Variants in DLG2 observed in about 807,000 individuals in gnomAD.
DLG2 encodes discs large MAGUK scaffold protein 2, also known as disks large homolog 2.
A neutral mutation model predicts 132.5 loss-of-function variants in DLG2; 45 were observed. That is an observed-to-expected ratio of 0.34 (90% CI 0.27 to 0.44). The LOEUF is 0.44. Among genes scored for constraint, DLG2 ranks in the 20% least tolerant of loss-of-function variants. The probability of loss-of-function intolerance (pLI) is 1.00; values close to 1 mark genes in which losing one functional copy is unlikely to be tolerated. For synonymous variants in DLG2, 424 were observed against 419.6 expected (o/e 1.01, Z -0.13); for missense variants, 1,045 against 1,196.9 (o/e 0.87, Z 1.87).
intron 18 of DLG2, among the ~76,000 whole-genome samples, chr11:83,749,445 A>G (rs1359033054): frequency 1.3e-5 from 2 of 152,134 alleles, no homozygotes; most frequent in Non-Finnish European, 2.9e-5. Flanking sequence ...CTAGGAATAA[A>G]GGGAGTTTTT....
intron 3 of DLG2, among the ~76,000 whole-genome samples, chr11:85,401,848 A>G (rs1209927795): frequency 6.6e-6 from 1 of 152,228 alleles, no homozygotes; most frequent in East Asian, 1.9e-4. Flanking sequence ...AGAGGACACA[A>G]AAAAATGGAA....
At chr11:84,181,133 T>C (rs1160725803) in intron 8 of DLG2, among the ~76,000 whole-genome samples, 1 of 151,994 alleles carries the variant, frequency 6.6e-6, no homozygotes, top group Admixed American at 6.6e-5. Flanking sequence ...TGATCACTTA[T>C]ATATAATCAT....
Position 84,424,085 on chromosome 11 carries a change from T to C in DLG2, c.519+110485A>G, listed in dbSNP as rs1490290071. Among the ~76,000 whole-genome samples the C allele has an allele frequency of 2.6e-5, 4 of 152,240 alleles. No homozygotes were observed. The East Asian group carries it at 7.7e-4, about 29-fold the overall frequency. On this transcript the variant is annotated intron_variant, in intron 7 of 27. Coordinates refer to ENST00000376104, the MANE Select transcript of DLG2 (RefSeq NM_001142699.3). ...CCCTACCTCCACAGATGATGCTCTCTTGGGTAGATATCAAAGCAGACACTC... is the reference window on the plus strand; with the variant it reads ...CCCTACCTCCACAGATGATGCTCTCCTGGGTAGATATCAAAGCAGACACTC...
chr11:85,208,436 G>A (rs116880492), intron 4 of DLG2, among the ~76,000 whole-genome samples: 3,037 of 151,042 alleles, frequency 0.02, 58 homozygotes, highest in Admixed American at 0.038. Flanking sequence ...GATAGCTAAG[G>A]CATGCAGAAA....
intron 7 of DLG2, among the ~76,000 whole-genome samples, chr11:84,359,133 A>G (rs1455734994): frequency 6.6e-6 from 1 of 151,906 alleles, no homozygotes. Context: ...CAATACAATA[A>G]TATGCTTCCC....
chr11:83,466,056 GA>G (rs2090976884), intron 26 of DLG2, among the ~76,000 whole-genome samples: 2 of 152,030 alleles, frequency 1.3e-5, no homozygotes, highest in African/African-American at 4.8e-5. Flanking sequence ...GAAAAAAAAA[GA>G]AAAAACCCTG....
chr11:84,460,232 A>G (rs2099076724), intron 7 of DLG2, among the ~76,000 whole-genome samples: 1 of 150,698 alleles, frequency 6.6e-6, no homozygotes, highest in South Asian at 2.1e-4. Flanking sequence ...ATGATTCATC[A>G]ATTGACTATT....
At chr11:85,028,592 G>A (rs573513026) in intron 6 of DLG2, among the ~76,000 whole-genome samples, 14 of 152,144 alleles carry the variant, frequency 9.2e-5, no homozygotes, top group Non-Finnish European at 1.9e-4. Flanking sequence ...CAGAGGGCTG[G>A]CCTGTCAGCC....
At chr11:83,939,277 T>G (rs556014843) in intron 14 of DLG2, among the ~76,000 whole-genome samples, 1 of 152,316 alleles carries the variant, frequency 6.6e-6, no homozygotes, top group African/African-American at 2.4e-5. Context: ...CTGGTCCTTA[T>G]GAGTTTGGTT....
intron 3 of DLG2, among the ~76,000 whole-genome samples, chr11:85,434,983 C>T (rs547383424): frequency 5.3e-5 from 8 of 152,242 alleles, no homozygotes; most frequent in Admixed American, 1.3e-4. Context: ...ACAATCAAGT[C>T]GGCTTCATCC....
intron 14 of DLG2, among the ~76,000 whole-genome samples, chr11:83,937,092 T>C (rs1290507122): frequency 6.6e-6 from 1 of 152,092 alleles, no homozygotes; most frequent in Non-Finnish European, 1.5e-5. Context: ...ATTGAACTCA[T>C]AGGATAAATA....
intron 3 of DLG2, among the ~76,000 whole-genome samples, chr11:85,463,867 A>G (rs1351014271): frequency 1.3e-5 from 2 of 152,110 alleles, no homozygotes; most frequent in African/African-American, 2.4e-5. Flanking sequence ...GAGAGCATTT[A>G]GAATTATATC....
intron 3 of DLG2, among the ~76,000 whole-genome samples, chr11:85,428,718 C>A (rs1022732758): frequency 6.6e-6 from 1 of 152,120 alleles, no homozygotes; most frequent in Non-Finnish European, 1.5e-5. Flanking sequence ...ATTAAAAGAA[C>A]TAGAGAAGCA....
intron 15 of DLG2, among the ~76,000 whole-genome samples, chr11:83,911,469 T>C (rs2076034214): frequency 6.6e-6 from 1 of 152,128 alleles, no homozygotes. Context: ...TAAGGTTTTT[T>C]TTTCTTTCAT....
chr11:83,827,851 C>T (rs984512903), intron 17 of DLG2, among the ~76,000 whole-genome samples: 1 of 152,070 alleles, frequency 6.6e-6, no homozygotes, highest in Non-Finnish European at 1.5e-5. Context: ...TGCTGAATGC[C>T]CTAAATTCTC....
At chr11:84,847,145 T>C (rs889091393) in intron 6 of DLG2, among the ~76,000 whole-genome samples, 4 of 152,146 alleles carry the variant, frequency 2.6e-5, no homozygotes, top group African/African-American at 4.8e-5. Flanking sequence ...AAATTGATAT[T>C]TGAAAGAGAG....
chr11:85,547,260 T>C (rs1476778931), intron 3 of DLG2, among the ~76,000 whole-genome samples: 1 of 152,172 alleles, frequency 6.6e-6, no homozygotes, highest in African/African-American at 2.4e-5. Context: ...TGAAGCTTAG[T>C]TTGGCTGGAT....
chr11:85,492,004 T>C lies in DLG2; in HGVS notation c.40+106653A>G, dbSNP rs576249750. ...CTGACTTTGAAATATACTACAAAGC[T>C]AGAATATCAAAACAGCAAGATACTC... On this transcript the variant is annotated intron_variant, in intron 3 of 27. Coordinates refer to ENST00000376104, the MANE Select transcript of DLG2 (RefSeq NM_001142699.3). Among the ~76,000 whole-genome samples, 74 of 149,390 alleles carry C rather than the reference T, an allele frequency of 5.0e-4. 2 individuals are homozygous for C. The highest frequency in any genetic ancestry group is 1.7e-3 in the African/African-American group (68 of 38,884).
intron 6 of DLG2, among the ~76,000 whole-genome samples, chr11:84,893,200 C>T (rs185698387): frequency 7.3e-4 from 111 of 152,276 alleles, no homozygotes; most frequent in Non-Finnish European, 1.3e-3. Context: ...AACTCCTCCT[C>T]ATCAGGTGAG....
Sources: gnomAD v4.1 joint callset for allele counts (sites outside exome capture counted in the v4.1 genomes callset) on GRCh38, gnomAD v4.1.1 for gene constraint, MANE v1.5 for transcripts, NCBI Gene and HGNC (gene_info 2026-07-23, HGNC 2026-07-21) for gene names.